The following CNTNAP5 variants were observed in gnomAD, a reference collection of about 807,000 sequenced individuals.
CNTNAP5 encodes contactin associated protein family member 5, also known as contactin-associated protein-like 5.
A neutral mutation model predicts 150.2 loss-of-function variants in CNTNAP5; 72 were observed. The observed-to-expected ratio is 0.48, with a 90% confidence interval of 0.40 to 0.58. The LOEUF is 0.58. CNTNAP5 is among the 20% of genes least tolerant of loss of function. CNTNAP5 has a pLI of 0.00. For synonymous variants in CNTNAP5, 672 were observed against 619.8 expected, an observed-to-expected ratio of 1.08 and a Z score of -1.25; for missense variants, 1,636 against 1,626.2, an observed-to-expected ratio of 1.01 and a Z score of -0.10.
chr2:124,619,328 C>T (rs1677560830), intron 12 of CNTNAP5, among the ~76,000 whole-genome samples: 1 of 152,040 alleles, frequency 6.6e-6, no homozygotes, highest in Non-Finnish European at 1.5e-5. Flanking sequence ...AAAAGGAGTT[C>T]TTGGAACTGG....
At chr2:124,605,457 T>A (rs1017257992) in intron 11 of CNTNAP5, among the ~76,000 whole-genome samples, 5 of 152,096 alleles carry the variant, frequency 3.3e-5, no homozygotes, top group African/African-American at 1.2e-4. Context: ...AATATTAAAT[T>A]TCAATATTGC....
intron 13 of CNTNAP5, among the ~76,000 whole-genome samples, chr2:124,653,413 ATATAG>A (rs1678362768): frequency 6.6e-6 from 1 of 151,312 alleles, no homozygotes; most frequent in Non-Finnish European, 1.5e-5. Context: ...AGTATATAGT[ATATAG>A]TATATAGTAT....
At chr2:124,657,408 A>G (rs1376208185) in intron 13 of CNTNAP5, among the ~76,000 whole-genome samples, 1 of 151,672 alleles carries the variant, frequency 6.6e-6, no homozygotes, top group Non-Finnish European at 1.5e-5. Context: ...CACCATCTCC[A>G]TTCCCCATTC....
At chr2:124,807,534 A>G (rs1682106821) in intron 19 of CNTNAP5, among the ~76,000 whole-genome samples, 1 of 152,218 alleles carries the variant, frequency 6.6e-6, no homozygotes, top group African/African-American at 2.4e-5. Flanking sequence ...AGTCGGTACT[A>G]GTATTTCCCT....
intron 3 of CNTNAP5, among the ~76,000 whole-genome samples, chr2:124,355,981 T>C (rs548605064): frequency 6.6e-6 from 1 of 152,160 alleles, no homozygotes; most frequent in African/African-American, 2.4e-5. Context: ...ACTTTTCTCA[T>C]ATATTTTATA....
chr2:124,480,524 T>A (rs1340764239), intron 7 of CNTNAP5, among the ~76,000 whole-genome samples: 1 of 152,116 alleles, frequency 6.6e-6, no homozygotes, highest in East Asian at 1.9e-4. Flanking sequence ...GGTGCACACA[T>A]ATAACATACA....
intron 17 of CNTNAP5, among the ~76,000 whole-genome samples, chr2:124,776,543 C>T (rs1314848607): frequency 6.6e-6 from 1 of 152,162 alleles, no homozygotes; most frequent in East Asian, 1.9e-4. Context: ...TGCTCTGGCA[C>T]TTCCTAAACT....
At position 124,702,346 on chromosome 2, in the gene CNTNAP5, C is replaced by CTTTTTTTTT. The variant is rs71412792; in HGVS notation, c.2078-44841_2078-44833dup. 6.7e-4 allele frequency among the ~76,000 whole-genome samples: 35 copies of CTTTTTTTTT among 52,248 alleles called. 9 individuals carry two copies. The highest frequency in any genetic ancestry group is 5.7e-3 in the East Asian group (6 of 1,046). The allele number at this position is 52,248 out of a possible 152,430, so 34.3% of individuals were successfully genotyped here. On this transcript the variant is annotated intron_variant, in intron 13 of 23. Coordinates refer to ENST00000682447, the MANE Select transcript of CNTNAP5 (RefSeq NM_001367498.1). ...ATGTCCTTCTGTGAAACTATGAACACTTTTTTTTTTTTTTTTTTTTTTTTT... is the reference window on the plus strand; with the variant it reads ...ATGTCCTTCTGTGAAACTATGAACACTTTTTTTTTTTTTTTTTTTTTTTTTTTTTTTTTT...
intron 3 of CNTNAP5, among the ~76,000 whole-genome samples, chr2:124,328,312 T>A: frequency 6.6e-6 from 1 of 152,208 alleles, no homozygotes; most frequent in East Asian, 1.9e-4. Context: ...AGTAGTTTTG[T>A]TTTTATCCTT....
chr2:124,295,319 G>A (rs1381482047), intron 3 of CNTNAP5, among the ~76,000 whole-genome samples: 2 of 151,882 alleles, frequency 1.3e-5, no homozygotes, highest in African/African-American at 4.8e-5. Context: ...CGTTTATATG[G>A]AATGGATTAT....
At chr2:124,327,349 A>G (rs967125354) in intron 3 of CNTNAP5, among the ~76,000 whole-genome samples, 1 of 152,204 alleles carries the variant, frequency 6.6e-6, no homozygotes, top group Admixed American at 6.5e-5. Context: ...AAATACTTGT[A>G]AACAAAATTC....
intron 19 of CNTNAP5, among the ~76,000 whole-genome samples, chr2:124,839,448 C>CTCT (rs1558795895): frequency 2.7e-5 from 4 of 149,122 alleles, no homozygotes; most frequent in African/African-American, 1.0e-4. Context: ...TCTCTCTCTC[C>CTCT]CTTTCCCCCT....
At chr2:124,709,009 T>C (rs1018024705) in intron 13 of CNTNAP5, among the ~76,000 whole-genome samples, 2 of 152,134 alleles carry the variant, frequency 1.3e-5, no homozygotes, top group African/African-American at 4.8e-5. Context: ...TGTGCTTCAT[T>C]CCACAGAATA....
intron 1 of CNTNAP5, among the ~76,000 whole-genome samples, chr2:124,183,371 C>T (rs1290554008): frequency 6.6e-6 from 1 of 152,124 alleles, no homozygotes; most frequent in Non-Finnish European, 1.5e-5. Context: ...TAATGGTTTT[C>T]CATCTTAACT....
intron 11 of CNTNAP5, among the ~76,000 whole-genome samples, chr2:124,607,709 A>G (rs1473651890): frequency 6.6e-6 from 1 of 152,200 alleles, no homozygotes; most frequent in Non-Finnish European, 1.5e-5. Flanking sequence ...GTTCTTAACT[A>G]CTATGCAACT....
chr2:124,394,722 T>A (rs868215422), intron 3 of CNTNAP5, among the ~76,000 whole-genome samples: 1 of 152,204 alleles, frequency 6.6e-6, no homozygotes, highest in Non-Finnish European at 1.5e-5. Flanking sequence ...AACTAAGGCT[T>A]AGAGGTAGAG....
intron 1 of CNTNAP5, among the ~76,000 whole-genome samples, chr2:124,071,441 G>A (rs1682302416): frequency 6.6e-6 from 1 of 151,508 alleles, no homozygotes; most frequent in African/African-American, 2.4e-5. Flanking sequence ...AACAACATTG[G>A]CAAACATTTA....
intron 8 of CNTNAP5, among the ~76,000 whole-genome samples, chr2:124,518,305 G>C (rs556639227): frequency 1.3e-5 from 2 of 152,234 alleles, no homozygotes; most frequent in East Asian, 3.9e-4. Context: ...TATCTAGAAA[G>C]ATATATCAAA....
chr2:124,396,979 G>A (rs1173485478), intron 3 of CNTNAP5, among the ~76,000 whole-genome samples: 1 of 152,192 alleles, frequency 6.6e-6, no homozygotes, highest in Non-Finnish European at 1.5e-5. Context: ...CTGACCAGGA[G>A]TTAACACTAA....
Sources: allele counts gnomAD v4.1 joint callset (sites outside exome capture counted in the v4.1 genomes callset), GRCh38; gene constraint gnomAD v4.1.1; transcripts MANE v1.5; gene names NCBI Gene and HGNC (gene_info 2026-07-23, HGNC 2026-07-21).